The following APOL2 variants were observed in gnomAD, a reference collection of about 807,000 sequenced individuals.
APOL2 encodes apolipoprotein L2, also known as apolipoprotein L, 2.
In APOL2, 8 loss-of-function variants were observed where a neutral mutation model predicts 7.1. The observed-to-expected ratio is 1.12, with a 90% CI of 0.66 to 2.03. APOL2 has a LOEUF of 2.03. Among genes scored for constraint, APOL2 ranks in the 30% most tolerant of loss-of-function variants. APOL2 has a pLI of 0.00. For missense variants in APOL2, 471 were observed against 415.1 expected (o/e 1.13, Z -1.17); for synonymous variants, 177 against 159.9 (o/e 1.11, Z -0.81).
Position 36,233,154 on chromosome 22 carries a change from T to C in APOL2, c.9A>G (p.Pro3=). 1 of 1,614,076 alleles carries C rather than the reference T, an allele frequency of 6.2e-7. No individual in the cohort carries two copies. Among genetic ancestry groups the C allele is most frequent in the Non-Finnish European group, 8.5e-7 (1 of 1,179,972 alleles). ...CCAGGAAAGAGGAAGCGAGCCTACC[T>C]GGGTTCATGGTGCCAGCGGCTGGGT... MN[P]ESSIFIEDYL... The change falls in exon 3 of 5, where the codon CCA becomes CCG. Residue 3 remains proline (P), a splice_region_variant and synonymous_variant. Transcript: ENST00000358502.
intron 1 of APOL2, among the ~76,000 whole-genome samples, chr22:36,235,817 G>A (rs541227398): frequency 6.3e-4 from 96 of 151,476 alleles, no homozygotes; most frequent in Non-Finnish European, 9.7e-4. Flanking sequence ...GAGGGCAGGT[G>A]GGGATAACCA....
At chr22:36,229,512 G>GT (rs1202825047) in intron 4 of APOL2, among the ~76,000 whole-genome samples, 1 of 152,242 alleles carries the variant, frequency 6.6e-6, no homozygotes, top group African/African-American at 2.4e-5. Context: ...TGAGGACAAT[G>GT]AAGATTCACA....
At position 36,239,498 on chromosome 22, in the gene APOL2, A is replaced by T; in HGVS notation, c.-191T>A. Reference sequence around the variant, plus strand: ...GATCCAACTGTTCTGAGCTGTGTGGATCCCACGTCCAGCTGTGCATCTGTG... The same window carrying T: ...GATCCAACTGTTCTGAGCTGTGTGGTTCCCACGTCCAGCTGTGCATCTGTG... On this transcript the variant is annotated 5_prime_UTR_variant, in exon 1 of 5. Coordinates refer to ENST00000358502, the MANE Select transcript of APOL2 (RefSeq NM_030882.4). The T allele has an allele frequency of 6.3e-7, 1 of 1,586,018 alleles. No homozygotes were observed.
In APOL2 at chr22:36,228,019, G is replaced by T. The variant is rs746721150; in HGVS notation, c.399C>A (p.Leu133=). 1.9e-6 allele frequency: 3 copies of T among 1,614,242 alleles called. No homozygotes were observed. Among genetic ancestry groups the T allele is most frequent in the Non-Finnish European group, 2.5e-6 (3 of 1,180,034 alleles). The change falls in exon 5 of 5, where the codon CTC becomes CTA. Residue 133 remains leucine (L), a synonymous_variant. Coordinates refer to ENST00000358502, the MANE Select transcript of APOL2 (RefSeq NM_030882.4). The part of the protein sequence containing the change: ...VGTTSGILTL[L]GLGLAPFTEG... ...CTGTGAAGGGTGCCAGACCCAGGCC[G>T]AGGAGGGTCAGGATGCCAGAGGTAG... is the stretch of plus-strand genomic sequence containing the variant.
Position 36,227,365 on chromosome 22 carries a change from G to C in APOL2, c.*39C>G, listed in dbSNP as rs750241597. The C allele has an allele frequency of 2.0e-6, 3 of 1,496,530 alleles. No individual in the cohort carries two copies. 92.7% of individuals were successfully genotyped at this position (1,496,530 alleles called of 1,614,324 possible). ...AAGTCTGCATTTTGTCCTGGCCTGTGCCCGGCATTTCTGCCCTGGTGGCTG... is the reference window on the plus strand; with the variant it reads ...AAGTCTGCATTTTGTCCTGGCCTGTCCCCGGCATTTCTGCCCTGGTGGCTG... On this transcript the variant is annotated 3_prime_UTR_variant, in exon 5 of 5. Coordinates refer to ENST00000358502, the MANE Select transcript of APOL2 (RefSeq NM_030882.4).
chr22:36,231,474 G>C lies in APOL2; in HGVS notation c.11-8C>G. The C allele has an allele frequency of 1.2e-6, 2 of 1,606,078 alleles. No individual in the cohort carries two copies. The highest frequency in any genetic ancestry group is 2.2e-5 in the South Asian group (2 of 90,858). ...CAATAAAGATACTGCTCTCTAGTTG[G>C]AAAGAAGAAAGGATAAGGTTGGAGG... is the stretch of plus-strand genomic sequence containing the variant. On this transcript the variant is annotated splice_polypyrimidine_tract_variant and splice_region_variant and intron_variant, in intron 3 of 4. Transcript: ENST00000358502.
chr22:36,236,740 T>C (rs1298741085), intron 1 of APOL2: 1 of 1,027,300 alleles, frequency 9.7e-7, no homozygotes, highest in African/African-American at 1.7e-5. Context: ...CGCCTCCCTC[T>C]TTCCACTTCC....
At chr22:36,239,763 T>C (rs2015539437), upstream of APOL2, 1 of 502,268 alleles carries the variant, frequency 2.0e-6, no homozygotes, top group Non-Finnish European at 3.6e-6. Flanking sequence ...CAAGGTCTGC[T>C]GTGTCAGCTG....
At position 36,233,394 on chromosome 22, in the gene APOL2, A is replaced by G; in HGVS notation, c.-80+8T>C. ...GGGCCCTGCCAGCTAGTATTTACAG[A>G]AACTCACCTCGTTCCAGCTTCCTCT... On this transcript the variant is annotated splice_region_variant and intron_variant, in intron 2 of 4. Transcript: ENST00000358502. 1 of 1,553,712 alleles carries G rather than the reference A, an allele frequency of 6.4e-7. No homozygotes were observed. The highest frequency in any genetic ancestry group is 1.2e-5 in the South Asian group (1 of 85,028).
chr22:36,232,145 T>C (rs908778664), intron 3 of APOL2, among the ~76,000 whole-genome samples: 1 of 152,272 alleles, frequency 6.6e-6, no homozygotes, highest in Non-Finnish European at 1.5e-5. Flanking sequence ...TCAAATAATG[T>C]CCTTATTGCA....
chr22:36,227,573 A>G lies in APOL2; in HGVS notation c.845T>C (p.Ile282Thr). The G allele has an allele frequency of 1.2e-6, 2 of 1,614,220 alleles. No individual in the cohort carries two copies. The highest frequency in any genetic ancestry group is 1.1e-5 in the South Asian group (1 of 91,086). ...TMIVGAATGG[I>T]LLLLDVVSLA... ...GCTGACCACATCCAGCAGAAGCAAGATGCCTCCAGTGGCTGCACCCACGAT... is the reference window on the plus strand; with the variant it reads ...GCTGACCACATCCAGCAGAAGCAAGGTGCCTCCAGTGGCTGCACCCACGAT... The change falls in exon 5 of 5, where the codon ATC (isoleucine) becomes ACC (threonine). Residue 282 changes from isoleucine to threonine, a missense_variant. Coordinates refer to ENST00000358502, the MANE Select transcript of APOL2 (RefSeq NM_030882.4).
At position 36,227,596 on chromosome 22, in the gene APOL2, G is replaced by C. The variant is rs376116463; in HGVS notation, c.822C>G (p.Ile274Met). 1.2e-6 allele frequency: 2 copies of C among 1,614,246 alleles called. No individual in the cohort carries two copies. The highest frequency in any genetic ancestry group is 1.7e-6 in the Non-Finnish European group (2 of 1,180,046). ...AGATGCCTCCAGTGGCTGCACCCAC[G>C]ATCATGGTTCCTCTGCTCATTGCCT... ...PAQAMSRGTM[I>M]VGAATGGILL... Residue 274 changes from isoleucine to methionine, a missense_variant, in exon 5 of 5, where the codon ATC becomes ATG. Ile to Met is a conservative substitution (Grantham distance 10, BLOSUM62 1). Coordinates refer to ENST00000358502, the MANE Select transcript of APOL2 (RefSeq NM_030882.4).
intron 1 of APOL2, among the ~76,000 whole-genome samples, chr22:36,238,760 G>A (rs907628213): frequency 6.6e-6 from 1 of 152,216 alleles, no homozygotes; most frequent in African/African-American, 2.4e-5. Flanking sequence ...ACACAGCACA[G>A]CCTGTTTCTT....
rs982372939 is a variant in APOL2, at chr22:36,227,579, C to T, written c.839G>A (p.Gly280Glu). The change falls in exon 5 of 5, where the codon GGA becomes GAA. Residue 280 changes from glycine (G) to glutamate (E), a missense_variant. Transcript: ENST00000358502. Reference sequence around the variant, plus strand: ...CACATCCAGCAGAAGCAAGATGCCTCCAGTGGCTGCACCCACGATCATGGT... The same window carrying T: ...CACATCCAGCAGAAGCAAGATGCCTTCAGTGGCTGCACCCACGATCATGGT... ...RGTMIVGAAT[G>E]GILLLLDVVS... is the part of the protein sequence containing the mutation. 2 of 1,614,234 alleles carry T rather than the reference C, an allele frequency of 1.2e-6. No homozygotes were observed. The highest frequency in any genetic ancestry group is 1.7e-5 in the Admixed American group (1 of 60,028).
intron 3 of APOL2, 82 bp downstream of exon 3, chr22:36,233,071 T>A (rs2015280985): frequency 7.1e-7 from 1 of 1,412,266 alleles, no homozygotes; most frequent in Non-Finnish European, 1.0e-6. Context: ...TGGGTTCTTC[T>A]GGGGCTCACT....
chr22:36,233,908 G>A (rs1255972268), intron 1 of APOL2, among the ~76,000 whole-genome samples: 2 of 152,034 alleles, frequency 1.3e-5, no homozygotes, highest in Non-Finnish European at 2.9e-5. Flanking sequence ...TCAACTCTTC[G>A]TCTTGGTGAA....
intron 1 of APOL2, among the ~76,000 whole-genome samples, chr22:36,235,785 GTGTA>G (rs2015384644): frequency 1.3e-5 from 2 of 150,942 alleles, no homozygotes; most frequent in African/African-American, 4.9e-5. Flanking sequence ...GTGTGTGTGT[GTGTA>G]TGTGTTGTGC....
At chr22:36,235,310 C>A (rs180673414) in intron 1 of APOL2, among the ~76,000 whole-genome samples, 30 of 152,252 alleles carry the variant, frequency 2.0e-4, no homozygotes, top group Admixed American at 1.6e-3. Context: ...TGCCAGTAGA[C>A]CTGCCCCCCA....
At chr22:36,229,501 C>T (rs1214786933) in intron 4 of APOL2, among the ~76,000 whole-genome samples, 1 of 152,246 alleles carries the variant, frequency 6.6e-6, no homozygotes, top group African/African-American at 2.4e-5. Context: ...ACACAGCCTC[C>T]TGAGGACAAT....
Sources: allele counts gnomAD v4.1 joint callset (sites outside exome capture counted in the v4.1 genomes callset), GRCh38; gene constraint gnomAD v4.1.1; transcripts MANE v1.5; gene names NCBI Gene and HGNC (gene_info 2026-07-23, HGNC 2026-07-21).